The following TTN variants were observed in gnomAD, a reference collection of about 807,000 sequenced individuals.
TTN encodes connectin.
In TTN, 1,525 loss-of-function variants were observed where a neutral mutation model predicts 3,223.0. That is an observed-to-expected ratio of 0.47 (90% confidence interval 0.45 to 0.49). The LOEUF (loss-of-function observed/expected upper bound fraction) is 0.49, where lower values mean the gene tolerates loss of function less well. Ranked by LOEUF, TTN falls within the 20% of genes least tolerant of loss-of-function variation. The probability of loss-of-function intolerance (pLI) is 0.00; values close to 1 mark genes in which losing one functional copy is unlikely to be tolerated. For synonymous variants in TTN, 14,094 were observed against 15,161.0 expected (o/e 0.93, Z 5.17); for missense variants, 40,786 against 43,424.0 (o/e 0.94, Z 5.40).
chr2:178,595,913 T>C, intron 294 of TTN, 104 bp from the exon 295 acceptor site: 1 of 1,186,992 alleles, frequency 8.4e-7, no homozygotes, highest in Non-Finnish European at 1.2e-6. Context: ...TTGAAGAAAG[T>C]AAGGTTTTGT....
chr2:178,713,462 T>C (rs545702186), intron 92 of TTN, 90 bp from the exon 93 acceptor site: 30 of 1,442,480 alleles, frequency 2.1e-5, no homozygotes, highest in Middle Eastern at 2.6e-4. Flanking sequence ...AACTGTCTTT[T>C]TGATGGACTA....
Position 178,614,829 on chromosome 2 carries a change from A to G in TTN, c.48760+18T>C, listed in dbSNP as rs2057009183. 1 of 1,576,750 alleles carries G rather than the reference A, an allele frequency of 6.3e-7. No individual in the cohort carries two copies. Among genetic ancestry groups the G allele is most frequent in the Non-Finnish European group, 8.6e-7 (1 of 1,160,020 alleles). On this transcript the variant is annotated intron_variant, in intron 260 of 362. Transcript: ENST00000589042. ...GGTCAGAGGCCTATTTGATAAGACA[A>G]AAATCAAAAATAGATACCTTGTGTG...
chr2:178,606,346 A>G (rs766499166), intron 278 of TTN, among the ~76,000 whole-genome samples: 1 of 151,796 alleles, frequency 6.6e-6, no homozygotes, highest in Non-Finnish European at 1.5e-5. Flanking sequence ...ACGTTCATAG[A>G]TGAGCTGCAG....
At position 178,537,143 on chromosome 2, in the gene TTN, C is replaced by G. The variant is rs775769503; in HGVS notation, c.99966G>C (p.Trp33322Cys). 6.2e-7 allele frequency: 1 copy of G among 1,613,472 alleles called. No individual in the cohort carries two copies. Among genetic ancestry groups the G allele is most frequent in the African/African-American group, 1.3e-5 (1 of 74,902 alleles). Residue 33322 changes from tryptophan (W) to cysteine (C), a missense_variant, in exon 356 of 363, where the codon TGG (tryptophan) becomes TGC (cysteine). Physicochemically the swap from Trp to Cys is radical, Grantham distance 215 (BLOSUM62 -2). Coordinates refer to ENST00000589042, the MANE Select transcript of TTN (RefSeq NM_001267550.2). ...WKPPADDGGS[W>C]ITNYVVEKCE... Reference sequence around the variant, plus strand: ...ATTTTTCCACCACATAGTTGGTGATCCAGGAGCCTCCGTCATCTGCGGGTG... The same window carrying G: ...ATTTTTCCACCACATAGTTGGTGATGCAGGAGCCTCCGTCATCTGCGGGTG...
Position 178,794,951 on chromosome 2 carries a change from C to G in TTN, c.1216G>C (p.Ala406Pro), listed in dbSNP as rs775554743. 8 of 1,603,868 alleles carry G rather than the reference C, an allele frequency of 5.0e-6. No individual in the cohort carries two copies. The highest frequency in any genetic ancestry group is 6.8e-6 in the Non-Finnish European group (8 of 1,179,976). Reference sequence around the variant, plus strand: ...TTAGCACCAGTGGCAACAGCCTCTGCTGCGTAGCTAGCACTGGCCGACACA... The same window carrying G: ...TTAGCACCAGTGGCAACAGCCTCTGGTGCGTAGCTAGCACTGGCCGACACA... ...ASVSASASYA[A>P]EAVATGAKEV... is the part of the protein sequence containing the mutation. Residue 406 changes from alanine (A) to proline (P), a missense_variant, in exon 7 of 363, where the codon GCA (alanine) becomes CCA (proline). Transcript: ENST00000589042.
At chr2:178,587,494 G>C (rs1422216450) in intron 306 of TTN, 22 bp downstream of exon 306, 1 of 1,604,538 alleles carries the variant, frequency 6.2e-7, no homozygotes, top group Admixed American at 1.7e-5. Context: ...AAGTGGGAGG[G>C]AGAAGCATTT....
rs759274875 is a variant in TTN at position 178,778,008 on chromosome 2, G to A, written c.4209-33C>T. ...ACAAAGACACACAATACTTTCGTGA[G>A]GCATAAAGAAAACTCAGCAAAACAA... On this transcript the variant is annotated intron_variant, in intron 24 of 362. Coordinates refer to ENST00000589042, the MANE Select transcript of TTN (RefSeq NM_001267550.2). 4 of 1,606,536 alleles carry A rather than the reference G, an allele frequency of 2.5e-6. No individual in the cohort carries two copies. The South Asian group carries it at 4.4e-5, about 18-fold the overall frequency.
chr2:178,630,646 G>A (rs1023451911), intron 238 of TTN, among the ~76,000 whole-genome samples, 158 bp downstream of exon 238: 3 of 152,060 alleles, frequency 2.0e-5, no homozygotes, highest in African/African-American at 4.8e-5. Flanking sequence ...GTGCCAGTCT[G>A]AGCCCATTCA....
In TTN at chr2:178,560,877, C is replaced by T; in HGVS notation, c.85255G>A (p.Asp28419Asn). ...TDNHTLLTVK[D>N]CIRRDTGQYV... ...TGCCCAGTGTCTCGTCTTATACAGT[C>T]TTTAACTGTTAACAAAGTATGATTG... Residue 28419 changes from aspartate to asparagine, a missense_variant, in exon 326 of 363, where the codon GAC becomes AAC. By Grantham distance (23) the Asp-to-Asn change is conservative. Transcript: ENST00000589042. 1 of 1,613,730 alleles carries T rather than the reference C, an allele frequency of 6.2e-7. No homozygotes were observed. Among genetic ancestry groups the T allele is most frequent in the Non-Finnish European group, 8.5e-7 (1 of 1,179,808 alleles).
At chr2:178,790,902 A>C in intron 10 of TTN, 57 bp from the exon 11 acceptor site, 1 of 1,602,090 alleles carries the variant, frequency 6.2e-7, no homozygotes, top group Non-Finnish European at 8.5e-7. Context: ...AGCAATGGGA[A>C]GACATCCTTG....
rs369857502 is a variant in TTN, at chr2:178,549,366, A to C, written c.92260T>G (p.Tyr30754Asp). 1.9e-6 allele frequency: 3 copies of C among 1,613,800 alleles called. No individual in the cohort carries two copies. Among genetic ancestry groups the C allele is most frequent in the Non-Finnish European group, 2.5e-6 (3 of 1,179,792 alleles). Reference protein sequence around the residue: ...ESDGGSEIQQYILERREKKST... With the variant: ...ESDGGSEIQQDILERREKKST... ...TTCTTTTCTCTTCTTTCAAGGATAT[A>C]CTGTTGAATTTCACTGCCACCATCT... Residue 30754 changes from tyrosine (Y) to aspartate (D), a missense_variant, in exon 339 of 363, where the codon TAT becomes GAT. By Grantham distance (160) the Tyr-to-Asp change is radical. Coordinates refer to ENST00000589042, the MANE Select transcript of TTN (RefSeq NM_001267550.2).
chr2:178,582,515 G>A lies in TTN; in HGVS notation c.65941C>T (p.Leu21981Phe), dbSNP rs1414709360. Residue 21981 changes from leucine to phenylalanine, a missense_variant, in exon 314 of 363, where the codon CTT (leucine) becomes TTT (phenylalanine). Transcript: ENST00000589042. ...DRAMLSWEPP[L>F]EDGGSEITNY... ...GTGATTTCTGAGCCTCCATCTTCAA[G>A]AGGCGGTTCCCAAGAAAGCATAGCA... is the stretch of plus-strand genomic sequence containing the variant. 3.7e-6 allele frequency: 6 copies of A among 1,612,884 alleles called. No homozygotes were observed. Among genetic ancestry groups the A allele is most frequent in the African/African-American group, 1.3e-5 (1 of 74,856 alleles).
chr2:178,780,889 C>CAACAAA (rs2092705302), intron 21 of TTN, among the ~76,000 whole-genome samples: 1 of 152,080 alleles, frequency 6.6e-6, no homozygotes, highest in African/African-American at 2.4e-5. Context: ...CATGATATGC[C>CAACAAA]TAGAAACAAA....
In TTN at chr2:178,624,483, A is replaced by G. The variant is rs1238423083; in HGVS notation, c.44797T>C (p.Cys14933Arg). The part of the protein sequence containing the change: ...TCDAKDFKTS[C>R]NLNVVPPHVE... ...TACTTACGCACGACATTCAGGTTAC[A>G]GGAAGTCTTAAAATCCTTAGCATCA... Residue 14933 changes from cysteine to arginine, a missense_variant, in exon 242 of 363, where the codon TGT becomes CGT. By Grantham distance (180) the Cys-to-Arg change is radical. Transcript: ENST00000589042. 1 of 1,612,546 alleles carries G rather than the reference A, an allele frequency of 6.2e-7. No homozygotes were observed. Among genetic ancestry groups the G allele is most frequent in the South Asian group, 1.1e-5 (1 of 91,032 alleles).
At chr2:178,695,304 TG>T in intron 115 of TTN, 43 bp downstream of exon 115, 1 of 1,489,466 alleles carries the variant, frequency 6.7e-7, no homozygotes, top group Non-Finnish European at 9.3e-7. Context: ...GCCATGATAA[TG>T]ATGTTGATGC....
intron 110 of TTN, 93 bp downstream of exon 110, chr2:178,701,435 C>T: frequency 7.5e-7 from 1 of 1,332,224 alleles, no homozygotes; most frequent in Non-Finnish European, 1.0e-6. Context: ...TCTGACTCTG[C>T]TGCAGTTTGG....
chr2:178,547,599 T>C lies in TTN; in HGVS notation c.94027A>G (p.Asn31343Asp). ...PKDGGGTEIT[N>D]YIVEKRESGT... ...GATTCACGCTTTTCAACTATGTAATTAGTAATTTCAGTGCCTCCTCCATCT... is the reference window on the plus strand; with the variant it reads ...GATTCACGCTTTTCAACTATGTAATCAGTAATTTCAGTGCCTCCTCCATCT... Residue 31343 changes from asparagine (N) to aspartate (D), a missense_variant, in exon 339 of 363, where the codon AAT (asparagine) becomes GAT (aspartate). Physicochemically the swap from Asn to Asp is conservative, Grantham distance 23 (BLOSUM62 1). Coordinates refer to ENST00000589042, the MANE Select transcript of TTN (RefSeq NM_001267550.2). 1 of 1,613,854 alleles carries C rather than the reference T, an allele frequency of 6.2e-7. No homozygotes were observed. The highest frequency in any genetic ancestry group is 8.5e-7 in the Non-Finnish European group (1 of 1,179,820).
In TTN at chr2:178,599,771, A is replaced by G. The variant is rs781373399; in HGVS notation, c.56130T>C (p.Gly18710=). The G allele has an allele frequency of 6.2e-7, 1 of 1,611,762 alleles. No individual in the cohort carries two copies. Among genetic ancestry groups the G allele is most frequent in the South Asian group, 1.1e-5 (1 of 90,682 alleles). Residue 18710 remains glycine, a synonymous_variant, in exon 289 of 363, where the codon GGT becomes GGC. Coordinates refer to ENST00000589042, the MANE Select transcript of TTN (RefSeq NM_001267550.2). The part of the protein sequence containing the change: ...TNVNIVAKIK[G]VPFPTLTWFK... Reference sequence around the variant, plus strand: ...ACCAGGTTAGTGTCGGGAATGGCACACCTTTAATTTTGGCCACAATGTTAA... The same window carrying G: ...ACCAGGTTAGTGTCGGGAATGGCACGCCTTTAATTTTGGCCACAATGTTAA...
rs1709236478 is a variant in TTN, at chr2:178,574,141, G to C, written c.71991C>G (p.Phe23997Leu). 1.9e-6 allele frequency: 3 copies of C among 1,613,562 alleles called. No homozygotes were observed. The highest frequency in any genetic ancestry group is 1.7e-6 in the Non-Finnish European group (2 of 1,179,656). The change falls in exon 326 of 363, where the codon TTC (phenylalanine) becomes TTG (leucine). Residue 23997 changes from phenylalanine to leucine, a missense_variant. Physicochemically the swap from Phe to Leu is conservative, Grantham distance 22 (BLOSUM62 0). Coordinates refer to ENST00000589042, the MANE Select transcript of TTN (RefSeq NM_001267550.2). ...CTGCAGCATTTTTGGCGATCACACG[G>C]AATTCATATGCAGCATCTTCTGTTA... is the stretch of plus-strand genomic sequence containing the variant. ...SGLTEDAAYE[F>L]RVIAKNAAGA...
Sources: allele counts gnomAD v4.1 joint callset (sites outside exome capture counted in the v4.1 genomes callset), GRCh38; gene constraint gnomAD v4.1.1; transcripts MANE v1.5; gene names NCBI Gene and HGNC (gene_info 2026-07-23, HGNC 2026-07-21).